The following LRFN2 variants were observed in gnomAD, a reference collection of about 807,000 sequenced individuals.
LRFN2 encodes leucine rich repeat and fibronectin type III domain containing 2, also known as leucine-rich repeat and fibronectin type-III domain-containing protein 2.
Under a neutral mutation model 37.3 loss-of-function variants are expected in LRFN2, and 18 were observed. The ratio of observed to expected loss-of-function variants is 0.48; its 90% confidence interval spans 0.33 to 0.72. LRFN2 has a LOEUF of 0.72. LRFN2 is among the 30% of genes least tolerant of loss of function. The pLI, the probability that LRFN2 is intolerant of heterozygous loss-of-function variation, is 0.02. For synonymous variants in LRFN2, 556 were observed against 466.6 expected (o/e 1.19, Z -2.47); for missense variants, 1,006 against 1,060.7 (o/e 0.95, Z 0.72).
chr6:40,556,716 GACACAC>G lies in LRFN2; in HGVS notation c.-19+30219_-19+30224del, dbSNP rs35308131. On this transcript the variant is annotated intron_variant, in intron 1 of 2. Coordinates refer to ENST00000338305, the MANE Select transcript of LRFN2 (RefSeq NM_020737.3). Reference sequence around the variant, plus strand: ...TGTTTCTCTCTCTCTTACCTACATAGACACACACACACACACACACACACACACACA... The same window carrying G: ...TGTTTCTCTCTCTCTTACCTACATAGACACACACACACACACACACACACA... 4.9e-4 allele frequency among the ~76,000 whole-genome samples: 59 copies of G among 120,940 alleles called. No homozygotes were observed. In the South Asian group the frequency reaches 8.0e-3, roughly 16 times the overall value. 79.3% of individuals were successfully genotyped at this position (120,940 alleles called of 152,430 possible).
intron 1 of LRFN2, among the ~76,000 whole-genome samples, chr6:40,478,466 A>G (rs906974769): frequency 6.6e-6 from 1 of 152,218 alleles, no homozygotes; most frequent in African/African-American, 2.4e-5. Flanking sequence ...CTTATTATAC[A>G]CATGGGGGAA....
chr6:40,423,297 T>C (rs999760417), intron 2 of LRFN2, among the ~76,000 whole-genome samples: 2 of 152,170 alleles, frequency 1.3e-5, no homozygotes, highest in Non-Finnish European at 2.9e-5. Flanking sequence ...ACAGCTCTGT[T>C]GGTTTTGAAA....
At chr6:40,505,588 G>A (rs1359581544) in intron 1 of LRFN2, among the ~76,000 whole-genome samples, 4 of 152,168 alleles carry the variant, frequency 2.6e-5, no homozygotes, top group East Asian at 3.9e-4. Context: ...CCTTGCCTGG[G>A]TGGGATGAGG....
chr6:40,507,386 C>T (rs909926166), intron 1 of LRFN2, among the ~76,000 whole-genome samples: 1 of 152,180 alleles, frequency 6.6e-6, no homozygotes, highest in Non-Finnish European at 1.5e-5. Context: ...TCAGACATGA[C>T]ACTAAACCCT....
At chr6:40,536,085 G>A (rs879411222) in intron 1 of LRFN2, among the ~76,000 whole-genome samples, 3 of 152,122 alleles carry the variant, frequency 2.0e-5, no homozygotes, top group Non-Finnish European at 4.4e-5. Flanking sequence ...AGTCACCGGA[G>A]GTTCTGCTTC....
chr6:40,499,792 G>C (rs546793692), intron 1 of LRFN2, among the ~76,000 whole-genome samples: 4 of 152,194 alleles, frequency 2.6e-5, no homozygotes, highest in Non-Finnish European at 4.4e-5. Context: ...TAGTAGGTCA[G>C]TGGGTTTGGA....
At chr6:40,551,619 A>G (rs967158019) in intron 1 of LRFN2, among the ~76,000 whole-genome samples, 4 of 152,236 alleles carry the variant, frequency 2.6e-5, no homozygotes, top group Non-Finnish European at 4.4e-5. Context: ...ATAGTGATTG[A>G]TAACTATGTG....
intron 1 of LRFN2, among the ~76,000 whole-genome samples, chr6:40,584,043 G>A (rs1175424100): frequency 6.6e-6 from 1 of 152,222 alleles, no homozygotes; most frequent in Non-Finnish European, 1.5e-5. Context: ...CCCCAGAGGT[G>A]AAATTTGCTC....
chr6:40,433,401 C>T (rs1763563526), intron 1 of LRFN2, among the ~76,000 whole-genome samples: 1 of 152,178 alleles, frequency 6.6e-6, no homozygotes, highest in African/African-American at 2.4e-5. Flanking sequence ...ATGGTCAGCT[C>T]CAAAGAGGGC....
intron 1 of LRFN2, among the ~76,000 whole-genome samples, chr6:40,505,667 C>A (rs1765512539): frequency 6.6e-6 from 1 of 152,214 alleles, no homozygotes; most frequent in African/African-American, 2.4e-5. Flanking sequence ...GGGAGCAGCT[C>A]TTTCATAATC....
At chr6:40,421,228 G>C (rs1438242813) in intron 2 of LRFN2, among the ~76,000 whole-genome samples, 1 of 152,202 alleles carries the variant, frequency 6.6e-6, no homozygotes, top group Non-Finnish European at 1.5e-5. Context: ...GGAATGCTTT[G>C]ACAGAATTGT....
intron 1 of LRFN2, among the ~76,000 whole-genome samples, chr6:40,534,247 G>A (rs1412416503): frequency 1.3e-5 from 2 of 152,198 alleles, no homozygotes; most frequent in Non-Finnish European, 2.9e-5. Context: ...CTCTCACTGT[G>A]AGATGGGCTC....
intron 1 of LRFN2, among the ~76,000 whole-genome samples, chr6:40,459,077 G>C (rs1764292087): frequency 6.6e-6 from 1 of 152,174 alleles, no homozygotes; most frequent in Non-Finnish European, 1.5e-5. Context: ...GAACTCATGA[G>C]ACCAACATAA....
rs967388833 is a variant in LRFN2, at chr6:40,391,735, A to G, written c.*208T>C. Reference sequence around the variant, plus strand: ...CAGGGCTCAGTCCGGCATTTGAGCGAGTCCACATTCCCTGAGCACACCCCG... The same window carrying G: ...CAGGGCTCAGTCCGGCATTTGAGCGGGTCCACATTCCCTGAGCACACCCCG... On this transcript the variant is annotated 3_prime_UTR_variant, in exon 3 of 3. Coordinates refer to ENST00000338305, the MANE Select transcript of LRFN2 (RefSeq NM_020737.3). 9.2e-5 allele frequency: 42 copies of G among 456,526 alleles called. No homozygotes were observed. The highest frequency in any genetic ancestry group is 7.9e-4 in the African/African-American group (39 of 49,098). The allele number at this position is 456,526 out of a possible 1,614,324, so 28.3% of individuals were successfully genotyped here. A position where few individuals can be genotyped will look rare whatever the true frequency, so the allele number is the denominator to read the frequency against.
At chr6:40,476,501 A>T (rs1764711934) in intron 1 of LRFN2, among the ~76,000 whole-genome samples, 3 of 152,244 alleles carry the variant, frequency 2.0e-5, no homozygotes, top group African/African-American at 7.2e-5. Context: ...AGCTGGGTAC[A>T]CGGGGAACCC....
At chr6:40,526,106 C>T (rs1041139149) in intron 1 of LRFN2, among the ~76,000 whole-genome samples, 1 of 152,200 alleles carries the variant, frequency 6.6e-6, no homozygotes, top group South Asian at 2.1e-4. Context: ...GGGCTGACTG[C>T]GTAATTTGCA....
chr6:40,400,577 T>A (rs1019102844), intron 2 of LRFN2, among the ~76,000 whole-genome samples: 3 of 151,510 alleles, frequency 2.0e-5, no homozygotes, highest in Admixed American at 6.6e-5. Flanking sequence ...TGCACCACCA[T>A]ACCTGGCTAA....
At chr6:40,442,744 A>C (rs983571324) in intron 1 of LRFN2, among the ~76,000 whole-genome samples, 2 of 152,120 alleles carry the variant, frequency 1.3e-5, no homozygotes, top group African/African-American at 4.8e-5. Context: ...TGAGGCTGAC[A>C]TGAGCAATGT....
At chr6:40,507,169 C>G (rs1054699129) in intron 1 of LRFN2, among the ~76,000 whole-genome samples, 1 of 152,200 alleles carries the variant, frequency 6.6e-6, no homozygotes, top group Non-Finnish European at 1.5e-5. Context: ...GGCATCTCTA[C>G]TAGACCGTAA....
Sources: allele counts gnomAD v4.1 joint callset (sites outside exome capture counted in the v4.1 genomes callset), GRCh38; gene constraint gnomAD v4.1.1; transcripts MANE v1.5; gene names NCBI Gene and HGNC (gene_info 2026-07-23, HGNC 2026-07-21).